FAM81B: variants seen among roughly 807,000 people sequenced by gnomAD.
FAM81B encodes the protein family with sequence similarity 81 member B.
A neutral mutation model predicts 58.7 loss-of-function variants in FAM81B; 60 were observed. The ratio of observed to expected loss-of-function variants is 1.02; its 90% CI spans 0.83 to 1.27. The LOEUF is 1.27. Among genes scored for constraint, FAM81B ranks in the 50% most tolerant of loss-of-function variants. The pLI is 0.00. For synonymous variants in FAM81B, 189 were observed against 179.6 expected (o/e 1.05, Z -0.42); for missense variants, 491 against 522.0 (o/e 0.94, Z 0.58).
At chr5:95,446,200 A>T (rs559035175) in intron 7 of FAM81B, among the ~76,000 whole-genome samples, 1 of 152,314 alleles carries the variant, frequency 6.6e-6, no homozygotes, top group East Asian at 1.9e-4. Context: ...CCACAAGGGA[A>T]CTTATCAAAG....
chr5:95,416,314 C>A (rs1250675417), intron 4 of FAM81B, among the ~76,000 whole-genome samples: 1 of 152,100 alleles, frequency 6.6e-6, no homozygotes, highest in Non-Finnish European at 1.5e-5. Flanking sequence ...TGACACAGGT[C>A]CATAAATGAA....
In FAM81B at chr5:95,448,566, A is replaced by G. The variant is rs1385482485; in HGVS notation, c.1225+102A>G. The stretch of plus-strand genomic sequence containing the variant: ...ATGGCCAGGGATCAATCTTGTCATT[A>G]GTGACATCGTTATGTATTTATTCCA... On this transcript the variant is annotated intron_variant, in intron 9 of 9. Coordinates refer to ENST00000283357, the MANE Select transcript of FAM81B (RefSeq NM_152548.3). 2.8e-6 allele frequency: 3 copies of G among 1,073,172 alleles called. No individual in the cohort carries two copies. In the African/African-American group the frequency reaches 4.8e-5, roughly 17 times the overall value. 66.5% of individuals were successfully genotyped at this position (1,073,172 alleles called of 1,614,324 possible).
intron 3 of FAM81B, among the ~76,000 whole-genome samples, chr5:95,409,587 A>G (rs1007146123): frequency 6.6e-6 from 1 of 152,152 alleles, no homozygotes; most frequent in Admixed American, 6.6e-5. Context: ...TAAATTAAAA[A>G]GAAGTAATAT....
Position 95,428,743 on chromosome 5 carries a change from A to T in FAM81B, c.786+11A>T. 1 of 1,613,690 alleles carries T rather than the reference A, an allele frequency of 6.2e-7. No individual in the cohort carries two copies. The highest frequency in any genetic ancestry group is 8.5e-7 in the Non-Finnish European group (1 of 1,179,604). On this transcript the variant is annotated intron_variant, in intron 6 of 9. Coordinates refer to ENST00000283357, the MANE Select transcript of FAM81B (RefSeq NM_152548.3). ...AACTTGGACATGAAGGTAATTGAAA[A>T]TAGATGGGACTCATATTACGTGTTA...
At chr5:95,405,217 C>A (rs934574173) in intron 3 of FAM81B, among the ~76,000 whole-genome samples, 1 of 152,126 alleles carries the variant, frequency 6.6e-6, no homozygotes, top group Non-Finnish European at 1.5e-5. Flanking sequence ...GCATTAATGT[C>A]CCCCTGCTTA....
intron 2 of FAM81B, among the ~76,000 whole-genome samples, chr5:95,393,629 C>T (rs1408333027): frequency 6.6e-6 from 1 of 152,160 alleles, no homozygotes; most frequent in Non-Finnish European, 1.5e-5. Context: ...TCCCGTACTT[C>T]TCTGATCCTG....
chr5:95,407,617 CCTAA>C (rs1762291410), intron 3 of FAM81B, among the ~76,000 whole-genome samples: 1 of 152,156 alleles, frequency 6.6e-6, no homozygotes, highest in Non-Finnish European at 1.5e-5. Context: ...TCCCCCAAAA[CCTAA>C]CTGTTTTTTG....
chr5:95,440,688 T>C, intron 7 of FAM81B: 2 of 811,554 alleles, frequency 2.5e-6, no homozygotes, highest in South Asian at 1.9e-5. Context: ...AGTTGGAAGA[T>C]GAACACTTTA....
intron 8 of FAM81B, 64 bp downstream of exon 8, chr5:95,446,761 G>T: frequency 6.4e-7 from 1 of 1,567,468 alleles, no homozygotes; most frequent in South Asian, 1.2e-5. Context: ...GTGAGTAAAG[G>T]TCTGGGAATT....
intron 1 of FAM81B, 84 bp from the exon 2 acceptor site, chr5:95,392,710 G>T (rs1761859164): frequency 9.3e-7 from 1 of 1,071,222 alleles, no homozygotes; most frequent in Non-Finnish European, 1.4e-6. Flanking sequence ...TACAGAAACT[G>T]CCCTCAATTA....
chr5:95,396,151 C>T lies in FAM81B; in HGVS notation c.269C>T (p.Thr90Ile). The T allele has an allele frequency of 6.2e-7, 1 of 1,606,226 alleles. No homozygotes were observed. Among genetic ancestry groups the T allele is most frequent in the Non-Finnish European group, 8.5e-7 (1 of 1,177,214 alleles). Residue 90 changes from threonine to isoleucine, a missense_variant, in exon 3 of 10, where the codon ACA becomes ATA. Transcript: ENST00000283357. Reference protein sequence around the residue: ...SPAKMSTKNSTDLVEYVDKSH... With the variant: ...SPAKMSTKNSIDLVEYVDKSH... ...GCCAAAATGTCAACCAAGAATTCTACAGATCTAGTTGAATATGTTGACAAG... is the reference window on the plus strand; with the variant it reads ...GCCAAAATGTCAACCAAGAATTCTATAGATCTAGTTGAATATGTTGACAAG...
chr5:95,404,876 G>T (rs149651266), intron 3 of FAM81B, among the ~76,000 whole-genome samples: 5 of 152,170 alleles, frequency 3.3e-5, no homozygotes, highest in South Asian at 2.1e-4. Context: ...GATAAAATGG[G>T]GTATTATGAG....
intron 2 of FAM81B, among the ~76,000 whole-genome samples, chr5:95,395,697 G>A (rs1761948583): frequency 6.6e-6 from 1 of 152,170 alleles, no homozygotes; most frequent in South Asian, 2.1e-4. Flanking sequence ...TACTTGGATA[G>A]GCTAGTTTTC....
chr5:95,395,168 T>G (rs956540000), intron 2 of FAM81B, among the ~76,000 whole-genome samples: 1 of 152,094 alleles, frequency 6.6e-6, no homozygotes, highest in Non-Finnish European at 1.5e-5. Flanking sequence ...GGCTGGGCGC[T>G]GTGGCTCACG....
At chr5:95,392,994 T>A in intron 2 of FAM81B, 97 bp downstream of exon 2, 1 of 1,074,086 alleles carries the variant, frequency 9.3e-7, no homozygotes, top group Non-Finnish European at 1.3e-6. Flanking sequence ...TCTGGAAGAA[T>A]AGTTCTCCCA....
intron 3 of FAM81B, among the ~76,000 whole-genome samples, chr5:95,402,625 C>T (rs1423122584): frequency 6.6e-6 from 1 of 152,188 alleles, no homozygotes; most frequent in Non-Finnish European, 1.5e-5. Context: ...TAAAAGTCTT[C>T]CTTCGATGGG....
chr5:95,431,783 A>G (rs1277259183), intron 6 of FAM81B, among the ~76,000 whole-genome samples: 2 of 152,066 alleles, frequency 1.3e-5, no homozygotes, highest in African/African-American at 2.4e-5. Context: ...GTATATTATG[A>G]AGACAATATT....
Position 95,414,052 on chromosome 5 carries a change from C to A in FAM81B, c.399C>A (p.Phe133Leu). The change falls in exon 4 of 10, where the codon TTC becomes TTA. Residue 133 changes from phenylalanine (F) to leucine (L), a missense_variant. Phe to Leu is a conservative substitution (Grantham distance 22). Coordinates refer to ENST00000283357, the MANE Select transcript of FAM81B (RefSeq NM_152548.3). ...RTIAFLLEQA[F>L]RIKEDISACL... is the part of the protein sequence containing the mutation. ...TAGCTTTCCTTCTTGAACAAGCCTTCCGCATCAAGGAGGACATCTCTGCTT... is the reference window on the plus strand; with the variant it reads ...TAGCTTTCCTTCTTGAACAAGCCTTACGCATCAAGGAGGACATCTCTGCTT... 6.2e-7 allele frequency: 1 copy of A among 1,614,116 alleles called. No individual in the cohort carries two copies. Among genetic ancestry groups the A allele is most frequent in the Non-Finnish European group, 8.5e-7 (1 of 1,180,004 alleles).
At chr5:95,426,084 A>ATC (rs1165356162) in intron 5 of FAM81B, among the ~76,000 whole-genome samples, 2 of 114,522 alleles carry the variant, frequency 1.7e-5, no homozygotes, top group South Asian at 6.0e-4. Flanking sequence ...TTTTCTTCCT[A>ATC]TCTCTGTGTG....
Sources: gnomAD v4.1 joint callset for allele counts (sites outside exome capture counted in the v4.1 genomes callset) on GRCh38, gnomAD v4.1.1 for gene constraint, MANE v1.5 for transcripts, NCBI Gene and HGNC (gene_info 2026-07-23, HGNC 2026-07-21) for gene names.